ADARB2: variants seen among roughly 807,000 people sequenced by gnomAD.
The protein encoded by ADARB2 is adenosine deaminase RNA specific B2 (inactive).
Under a neutral mutation model 62.2 loss-of-function variants are expected in ADARB2, and 25 were observed. That is an observed-to-expected ratio of 0.40 (90% CI 0.29 to 0.56). The LOEUF (loss-of-function observed/expected upper bound fraction) is 0.56. Among genes scored for constraint, ADARB2 ranks in the 20% least tolerant of loss-of-function variants. ADARB2 has a pLI of 0.43. For missense variants in ADARB2, 1,071 were observed against 1,077.4 expected, an observed-to-expected ratio of 0.99 and a Z score of 0.08; for synonymous variants, 572 against 500.8, an observed-to-expected ratio of 1.14 and a Z score of -1.90.
At chr10:1,501,032 G>A (rs559479024) in intron 1 of ADARB2, among the ~76,000 whole-genome samples, 3 of 152,158 alleles carry the variant, frequency 2.0e-5, no homozygotes, top group South Asian at 4.2e-4. Context: ...GCACCACCAC[G>A]CCCAGCTAAT....
chr10:1,279,415 A>G (rs1365568545), intron 3 of ADARB2, among the ~76,000 whole-genome samples: 6 of 152,312 alleles, frequency 3.9e-5, no homozygotes, highest in Admixed American at 3.9e-4. Context: ...TCCAGGGCCC[A>G]AGTCATCCTC....
At chr10:1,707,687 C>T (rs1287573784) in intron 1 of ADARB2, among the ~76,000 whole-genome samples, 1 of 152,146 alleles carries the variant, frequency 6.6e-6, no homozygotes, top group Non-Finnish European at 1.5e-5. Context: ...CCTTCCTGGG[C>T]TTGGTTCGGC....
intron 1 of ADARB2, among the ~76,000 whole-genome samples, chr10:1,637,974 G>A (rs1021758858): frequency 1.3e-5 from 2 of 152,238 alleles, no homozygotes; most frequent in Non-Finnish European, 2.9e-5. Context: ...AGTTGGAGCT[G>A]CTTCCACCAG....
chr10:1,242,586 T>G (rs1359615144), intron 4 of ADARB2, among the ~76,000 whole-genome samples: 2 of 152,226 alleles, frequency 1.3e-5, no homozygotes, highest in African/African-American at 2.4e-5. Context: ...GAGCAGAGTT[T>G]TGAGGTCAAA....
At chr10:1,462,090 G>T (rs1025234948) in intron 1 of ADARB2, among the ~76,000 whole-genome samples, 8 of 152,144 alleles carry the variant, frequency 5.3e-5, no homozygotes, top group African/African-American at 1.9e-4. Context: ...AATGCTCACG[G>T]TGTGTGTTCA....
chr10:1,476,575 C>T (rs1296234910), intron 1 of ADARB2, among the ~76,000 whole-genome samples: 1 of 152,206 alleles, frequency 6.6e-6, no homozygotes, highest in East Asian at 1.9e-4. Context: ...GAAACGCACA[C>T]AGGACGGGGG....
intron 7 of ADARB2, among the ~76,000 whole-genome samples, chr10:1,213,573 A>T (rs1256340022): frequency 6.6e-6 from 1 of 152,126 alleles, no homozygotes; most frequent in Non-Finnish European, 1.5e-5. Context: ...GAGAGAGAGG[A>T]CGCAACTCTG....
Position 1,363,462 on chromosome 10 carries a change from C to T in ADARB2, c.643G>A (p.Asp215Asn), listed in dbSNP as rs940955417. The T allele has an allele frequency of 2.8e-6, 4 of 1,454,082 alleles. No individual in the cohort carries two copies. The highest frequency in any genetic ancestry group is 3.6e-6 in the Non-Finnish European group (4 of 1,106,942). 90.1% of individuals were successfully genotyped at this position (1,454,082 alleles called of 1,614,324 possible). Reference protein sequence around the residue: ...GPGPGTDFTSDQADFPDTLFQ... With the variant: ...GPGPGTDFTSNQADFPDTLFQ... ...AGCGTGTCGGGGAAATCGGCCTGGT[C>T]GGAGGTGAAGTCCGTGCCGGGGCCC... The change falls in exon 3 of 10, where the codon GAC becomes AAC. Residue 215 changes from aspartate to asparagine, a missense_variant. Transcript: ENST00000381312.
chr10:1,696,734 G>T (rs1834751103), intron 1 of ADARB2, among the ~76,000 whole-genome samples: 1 of 152,124 alleles, frequency 6.6e-6, no homozygotes, highest in Non-Finnish European at 1.5e-5. Flanking sequence ...AGGGCATTCT[G>T]CTCAGGACCT....
At chr10:1,399,672 G>A (rs1472853081) in intron 1 of ADARB2, among the ~76,000 whole-genome samples, 1 of 152,208 alleles carries the variant, frequency 6.6e-6, no homozygotes, top group Non-Finnish European at 1.5e-5. Flanking sequence ...ATTCGTAAAT[G>A]TGGTCTTTCC....
rs76767326 is a variant in ADARB2 at position 1,235,179 on chromosome 10, G to C, written c.1362-1334C>G. On this transcript the variant is annotated intron_variant, in intron 5 of 9. Coordinates refer to ENST00000381312, the MANE Select transcript of ADARB2 (RefSeq NM_018702.4). ...CCTCACAGTGGACTGTGGGTTTGAC[G>C]TAGCCTGAGTGGGCAGCTTGTGTGT... 1.9e-3 allele frequency among the ~76,000 whole-genome samples: 277 copies of C among 149,588 alleles called. 2 individuals carry two copies. Among genetic ancestry groups the C allele is most frequent in the African/African-American group, 6.5e-3 (262 of 40,478 alleles).
At chr10:1,611,334 C>T (rs1334724885) in intron 1 of ADARB2, among the ~76,000 whole-genome samples, 1 of 152,222 alleles carries the variant, frequency 6.6e-6, no homozygotes, top group Non-Finnish European at 1.5e-5. Context: ...GTTCCTCTCT[C>T]AACTTACTCT....
intron 1 of ADARB2, among the ~76,000 whole-genome samples, chr10:1,430,441 A>T (rs1830767064): frequency 6.6e-6 from 1 of 152,244 alleles, no homozygotes; most frequent in African/African-American, 2.4e-5. Context: ...AAAGACAGAG[A>T]TTGGCTGAGT....
intron 1 of ADARB2, among the ~76,000 whole-genome samples, chr10:1,726,263 C>T (rs966464445): frequency 8.6e-5 from 13 of 152,020 alleles, no homozygotes; most frequent in Non-Finnish European, 1.5e-4. Flanking sequence ...AAGGAACAGA[C>T]GATAGATTGT....
chr10:1,690,798 G>A (rs1159008287), intron 1 of ADARB2, among the ~76,000 whole-genome samples: 1 of 152,166 alleles, frequency 6.6e-6, no homozygotes, highest in African/African-American at 2.4e-5. Context: ...CAGCCTGCAT[G>A]CACACTGTCA....
At chr10:1,567,245 T>C (rs1247897510) in intron 1 of ADARB2, among the ~76,000 whole-genome samples, 1 of 151,932 alleles carries the variant, frequency 6.6e-6, no homozygotes, top group Non-Finnish European at 1.5e-5. Flanking sequence ...GAGTCTGGTC[T>C]TTTGAAAACC....
At chr10:1,642,271 C>T (rs1026266482) in intron 1 of ADARB2, among the ~76,000 whole-genome samples, 1 of 147,558 alleles carries the variant, frequency 6.8e-6, no homozygotes, top group African/African-American at 2.7e-5. Flanking sequence ...GCCACATTGT[C>T]GGTGCTCAAT....
intron 1 of ADARB2, among the ~76,000 whole-genome samples, chr10:1,518,848 G>T (rs954599282): frequency 6.6e-6 from 1 of 152,000 alleles, no homozygotes; most frequent in Non-Finnish European, 1.5e-5. Context: ...TGTAACGTCT[G>T]CCTGTGGTGT....
chr10:1,502,551 A>G lies in ADARB2; in HGVS notation c.101-123391T>C, dbSNP rs1258190232. 4.6e-5 allele frequency among the ~76,000 whole-genome samples: 7 copies of G among 152,226 alleles called. No homozygotes were observed. The East Asian group carries it at 1.3e-3, about 29-fold the overall frequency. ...TGGAAGAAGCAAATCTACTAAATTTACTTGTGTTTGAAGAGGAGTTAAGCT... is the reference window on the plus strand; with the variant it reads ...TGGAAGAAGCAAATCTACTAAATTTGCTTGTGTTTGAAGAGGAGTTAAGCT... On this transcript the variant is annotated intron_variant, in intron 1 of 9. Transcript: ENST00000381312.
Sources: allele counts gnomAD v4.1 joint callset (sites outside exome capture counted in the v4.1 genomes callset), GRCh38; gene constraint gnomAD v4.1.1; transcripts MANE v1.5; gene names NCBI Gene and HGNC (gene_info 2026-07-23, HGNC 2026-07-21).